CNTNAP2: variants seen among roughly 807,000 people sequenced by gnomAD.
The protein encoded by CNTNAP2 is contactin associated protein 2.
In CNTNAP2, 98 loss-of-function variants were observed where a neutral mutation model predicts 155.2. That is an observed-to-expected ratio of 0.63 (90% CI 0.54 to 0.75). The LOEUF is 0.75. Among genes scored for constraint, CNTNAP2 ranks in the 30% least tolerant of loss-of-function variants. The probability of loss-of-function intolerance (pLI) is 0.00; values close to 1 mark genes in which losing one functional copy is unlikely to be tolerated. For missense variants in CNTNAP2, 1,727 were observed against 1,688.1 expected, an observed-to-expected ratio of 1.02 and a Z score of -0.40; for synonymous variants, 651 against 631.2, an observed-to-expected ratio of 1.03 and a Z score of -0.47.
At chr7:147,921,145 T>A (rs1197934455) in intron 14 of CNTNAP2, among the ~76,000 whole-genome samples, 1 of 151,974 alleles carries the variant, frequency 6.6e-6, no homozygotes, top group Non-Finnish European at 1.5e-5. Flanking sequence ...AGAGAAATGA[T>A]TAGATAATGA....
Position 148,397,617 on chromosome 7 carries a change from G to A in CNTNAP2, c.3716-11774G>A, listed in dbSNP as rs74503187. Reference sequence around the variant, plus strand: ...TTTCTTGTTCCACATTCCCCTTTTCGACAGGGAATAAATCATCCCCAAGGC... The same window carrying A: ...TTTCTTGTTCCACATTCCCCTTTTCAACAGGGAATAAATCATCCCCAAGGC... On this transcript the variant is annotated intron_variant, in intron 22 of 23. Coordinates refer to ENST00000361727, the MANE Select transcript of CNTNAP2 (RefSeq NM_014141.6). Among the ~76,000 whole-genome samples, 23 of 152,144 alleles carry A rather than the reference G, an allele frequency of 1.5e-4. 1 individual carries two copies. The highest frequency in any genetic ancestry group is 6.2e-4 in the South Asian group (3 of 4,822).
intron 1 of CNTNAP2, among the ~76,000 whole-genome samples, chr7:146,431,096 A>T (rs906562049): frequency 1.3e-5 from 2 of 152,008 alleles, no homozygotes; most frequent in African/African-American, 2.4e-5. Context: ...TGGCAAGAGG[A>T]GGTAAAAGTT....
chr7:146,995,853 A>G (rs1798298780), intron 3 of CNTNAP2, among the ~76,000 whole-genome samples: 1 of 152,044 alleles, frequency 6.6e-6, no homozygotes, highest in African/African-American at 2.4e-5. Flanking sequence ...CTCCTTTGCT[A>G]TGCAGAAACA....
intron 13 of CNTNAP2, among the ~76,000 whole-genome samples, chr7:147,868,651 C>T (rs1041366783): frequency 2.0e-5 from 3 of 152,324 alleles, no homozygotes; most frequent in African/African-American, 4.8e-5. Flanking sequence ...CTGGCCACTT[C>T]GTTTACCTAC....
chr7:146,654,554 T>C (rs1490282475), intron 1 of CNTNAP2, among the ~76,000 whole-genome samples: 1 of 152,196 alleles, frequency 6.6e-6, no homozygotes, highest in Non-Finnish European at 1.5e-5. Flanking sequence ...TATTTGTATC[T>C]GTAATATACA....
intron 1 of CNTNAP2, among the ~76,000 whole-genome samples, chr7:146,202,672 CTG>C (rs1275391313): frequency 6.6e-6 from 1 of 151,954 alleles, no homozygotes; most frequent in Non-Finnish European, 1.5e-5. Context: ...ACTAGATACA[CTG>C]TTATGTAGCT....
At chr7:147,532,783 C>T (rs975696755) in intron 11 of CNTNAP2, among the ~76,000 whole-genome samples, 3 of 152,124 alleles carry the variant, frequency 2.0e-5, no homozygotes, top group African/African-American at 7.2e-5. Flanking sequence ...GCAGAAACCC[C>T]TGATAAACCC....
chr7:147,588,832 T>G (rs1800684425), intron 12 of CNTNAP2, among the ~76,000 whole-genome samples: 1 of 152,200 alleles, frequency 6.6e-6, no homozygotes, highest in Admixed American at 6.5e-5. Context: ...GCCTCATCAC[T>G]TACTCATGTT....
intron 1 of CNTNAP2, among the ~76,000 whole-genome samples, chr7:146,359,844 A>G (rs1795057191): frequency 6.6e-6 from 1 of 152,106 alleles, no homozygotes; most frequent in Non-Finnish European, 1.5e-5. Flanking sequence ...GAAGTTTTGC[A>G]GCAGCAATAG....
intron 17 of CNTNAP2, among the ~76,000 whole-genome samples, chr7:148,170,164 TGACCACA>T (rs1299697793): frequency 2.0e-5 from 3 of 152,216 alleles, no homozygotes; most frequent in Admixed American, 2.0e-4. Flanking sequence ...ATGTTTATAG[TGACCACA>T]ATGACTATTA....
At chr7:147,837,309 T>C (rs184630356) in intron 13 of CNTNAP2, among the ~76,000 whole-genome samples, 1 of 152,264 alleles carries the variant, frequency 6.6e-6, no homozygotes, top group East Asian at 1.9e-4. Context: ...ACCATCAAGA[T>C]TCATGAGACT....
chr7:147,080,315 A>T (rs1800095562), intron 4 of CNTNAP2, among the ~76,000 whole-genome samples: 1 of 152,162 alleles, frequency 6.6e-6, no homozygotes, highest in Non-Finnish European at 1.5e-5. Flanking sequence ...TCTTTTCTAA[A>T]TTACATGGAT....
At chr7:146,804,114 A>G (rs1423652466) in intron 2 of CNTNAP2, among the ~76,000 whole-genome samples, 3 of 152,160 alleles carry the variant, frequency 2.0e-5, no homozygotes, top group Non-Finnish European at 4.4e-5. Context: ...CAGATTATAT[A>G]TATGCAGGCA....
At chr7:147,287,987 T>A (rs1231119875) in intron 8 of CNTNAP2, among the ~76,000 whole-genome samples, 1 of 152,076 alleles carries the variant, frequency 6.6e-6, no homozygotes, top group African/African-American at 2.4e-5. Context: ...TTATCAGGCC[T>A]TTACCTATAT....
chr7:146,732,031 T>C (rs989373878), intron 1 of CNTNAP2, among the ~76,000 whole-genome samples: 1 of 152,098 alleles, frequency 6.6e-6, no homozygotes, highest in African/African-American at 2.4e-5. Flanking sequence ...CGAGTACCTA[T>C]CATATGCTGA....
At chr7:147,447,563 C>T (rs561740850) in intron 10 of CNTNAP2, among the ~76,000 whole-genome samples, 14 of 151,978 alleles carry the variant, frequency 9.2e-5, no homozygotes, top group African/African-American at 9.7e-5. Flanking sequence ...ACTACAGGCG[C>T]GCGCCACCAA....
At chr7:147,830,107 T>A (rs1430908703) in intron 13 of CNTNAP2, among the ~76,000 whole-genome samples, 1 of 151,396 alleles carries the variant, frequency 6.6e-6, no homozygotes, top group Non-Finnish European at 1.5e-5. Flanking sequence ...CATATGTGAA[T>A]CTGAGATTGT....
chr7:146,118,411 C>T lies in CNTNAP2; in HGVS notation c.97+1438C>T, dbSNP rs1797517588. On this transcript the variant is annotated intron_variant, in intron 1 of 23. Coordinates refer to ENST00000361727, the MANE Select transcript of CNTNAP2 (RefSeq NM_014141.6). ...ACAAATTTTGGGGATATAATGCTTG[C>T]TGTTGATATTTACACAAATATGTAA... Among the ~76,000 whole-genome samples, 3 of 152,174 alleles carry T rather than the reference C, an allele frequency of 2.0e-5. No individual in the cohort carries two copies. In the South Asian group the frequency reaches 6.2e-4, roughly 32 times the overall value.
chr7:148,066,000 C>T (rs1359304624), intron 15 of CNTNAP2, among the ~76,000 whole-genome samples: 2 of 152,146 alleles, frequency 1.3e-5, no homozygotes, highest in African/African-American at 2.4e-5. Flanking sequence ...ATTATCTCAG[C>T]ATTTGTTTGT....
Sources: gnomAD v4.1 joint callset for allele counts (sites outside exome capture counted in the v4.1 genomes callset) on GRCh38, gnomAD v4.1.1 for gene constraint, MANE v1.5 for transcripts, NCBI Gene and HGNC (gene_info 2026-07-23, HGNC 2026-07-21) for gene names.